The following CALN1 variants were observed in gnomAD, a reference collection of about 807,000 sequenced individuals.
CALN1 encodes the protein calcium-binding protein 8.
Under a neutral mutation model 30.6 loss-of-function variants are expected in CALN1, and 17 were observed. The observed-to-expected ratio is 0.56, with a 90% CI of 0.38 to 0.83. The LOEUF (loss-of-function observed/expected upper bound fraction) is 0.83, where lower values mean the gene tolerates loss of function less well. Among genes scored for constraint, CALN1 ranks in the 40% least tolerant of loss-of-function variants. The pLI, the probability that CALN1 is intolerant of heterozygous loss-of-function variation, is 0.00. For missense variants in CALN1, 291 were observed against 354.9 expected, an observed-to-expected ratio of 0.82 and a Z score of 1.45; for synonymous variants, 156 against 131.4, an observed-to-expected ratio of 1.19 and a Z score of -1.28.
chr7:72,338,901 TTG>T (rs1429334575), intron 2 of CALN1, among the ~76,000 whole-genome samples: 1 of 150,952 alleles, frequency 6.6e-6, no homozygotes, highest in African/African-American at 2.5e-5. Context: ...TCATTCTAAC[TTG>T]TTTTTTTTTT....
At chr7:71,887,933 G>C (rs1304739811) in intron 5 of CALN1, among the ~76,000 whole-genome samples, 1 of 152,042 alleles carries the variant, frequency 6.6e-6, no homozygotes, top group Non-Finnish European at 1.5e-5. Context: ...GGCTTGGAGG[G>C]CATGATTCGT....
intron 1 of CALN1, among the ~76,000 whole-genome samples, chr7:72,411,766 T>C (rs138162969): frequency 2.6e-5 from 4 of 152,272 alleles, no homozygotes; most frequent in Middle Eastern, 3.4e-3. Flanking sequence ...TTGACATGAA[T>C]GTAATTGCTA....
intron 5 of CALN1, among the ~76,000 whole-genome samples, chr7:71,919,404 C>T (rs1233001969): frequency 1.3e-5 from 2 of 152,190 alleles, no homozygotes; most frequent in Non-Finnish European, 2.9e-5. Context: ...TTCATTGATT[C>T]GTGCATTTCA....
the CALN1 span, among the ~76,000 whole-genome samples, chr7:72,462,178 G>GTATTTATT: frequency 6.7e-6 from 1 of 150,302 alleles, no homozygotes; most frequent in African/African-American, 2.5e-5. Flanking sequence ...ATGTATGTAT[G>GTATTTATT]TATTTATTTA....
intron 2 of CALN1, among the ~76,000 whole-genome samples, chr7:72,402,691 C>T (rs1806423303): frequency 6.6e-6 from 1 of 152,116 alleles, no homozygotes; most frequent in Non-Finnish European, 1.5e-5. Context: ...TAGAAAACTC[C>T]TCACCCCGAA....
chr7:72,397,716 A>ACT (rs1216740810), intron 2 of CALN1, among the ~76,000 whole-genome samples: 15 of 54,314 alleles, frequency 2.8e-4, no homozygotes, highest in East Asian at 1.2e-3. Flanking sequence ...ATTCTCTCTC[A>ACT]CACACACACA....
chr7:72,319,728 G>A (rs938013308), intron 2 of CALN1, among the ~76,000 whole-genome samples: 4 of 152,156 alleles, frequency 2.6e-5, no homozygotes, highest in African/African-American at 9.7e-5. Context: ...AAAGAACAGA[G>A]GTAAATCTGT....
chr7:72,393,657 A>T (rs994275804), intron 2 of CALN1, among the ~76,000 whole-genome samples: 1 of 151,884 alleles, frequency 6.6e-6, no homozygotes, highest in Non-Finnish European at 1.5e-5. Context: ...CCAAAAGAAT[A>T]GGTATACAGA....
chr7:71,817,620 GTTC>G (rs1424212959), intron 5 of CALN1, among the ~76,000 whole-genome samples: 3 of 152,062 alleles, frequency 2.0e-5, no homozygotes, highest in Admixed American at 2.0e-4. Flanking sequence ...GGTTCAAGTG[GTTC>G]TTCTGCCTCA....
chr7:71,893,060 C>G (rs1793335663), intron 5 of CALN1, among the ~76,000 whole-genome samples: 1 of 152,144 alleles, frequency 6.6e-6, no homozygotes. Flanking sequence ...CTTTCATTTT[C>G]TTTTCCTTGT....
At chr7:72,000,095 G>A (rs1264041339) in intron 5 of CALN1, among the ~76,000 whole-genome samples, 1 of 151,886 alleles carries the variant, frequency 6.6e-6, no homozygotes. Context: ...ATCAATAATC[G>A]AAGTTCCTAT....
At chr7:72,323,470 G>T (rs1175972617) in intron 2 of CALN1, among the ~76,000 whole-genome samples, 1 of 151,950 alleles carries the variant, frequency 6.6e-6, no homozygotes, top group African/African-American at 2.4e-5. Flanking sequence ...GACCAGCCTG[G>T]CCAACATAGT....
intron 2 of CALN1, among the ~76,000 whole-genome samples, chr7:72,286,115 C>G (rs1189605859): frequency 6.6e-6 from 1 of 152,104 alleles, no homozygotes. Flanking sequence ...AAGTCAGAGA[C>G]GGAATAACAG....
intron 2 of CALN1, among the ~76,000 whole-genome samples, chr7:72,400,043 C>A (rs1164572943): frequency 6.6e-6 from 1 of 152,140 alleles, no homozygotes; most frequent in East Asian, 1.9e-4. Context: ...TTAGGCCATC[C>A]CCTTCTTGTA....
chr7:71,876,300 A>G (rs1584424684), intron 5 of CALN1, among the ~76,000 whole-genome samples: 2 of 152,110 alleles, frequency 1.3e-5, no homozygotes, highest in Non-Finnish European at 2.9e-5. Flanking sequence ...TTGCTCTTGC[A>G]GGATTGGATT....
intron 3 of CALN1, among the ~76,000 whole-genome samples, chr7:72,242,210 C>T (rs935212327): frequency 2.0e-5 from 3 of 152,228 alleles, no homozygotes; most frequent in Admixed American, 1.3e-4. Flanking sequence ...GTCAGAATGT[C>T]CTTCCTTTTT....
At chr7:71,923,318 C>A (rs1030441169) in intron 5 of CALN1, among the ~76,000 whole-genome samples, 11 of 152,248 alleles carry the variant, frequency 7.2e-5, no homozygotes, top group African/African-American at 2.4e-4. Context: ...TTTGGTTCTG[C>A]CAGGCCCTAT....
intron 2 of CALN1, among the ~76,000 whole-genome samples, chr7:72,342,746 T>C (rs1382410120): frequency 2.0e-5 from 3 of 152,136 alleles, no homozygotes; most frequent in Non-Finnish European, 2.9e-5. Flanking sequence ...TTCCCTTATC[T>C]TTTTTATTTT....
At chr7:72,307,711 C>G (rs917579717) in intron 2 of CALN1, among the ~76,000 whole-genome samples, 1 of 152,170 alleles carries the variant, frequency 6.6e-6, no homozygotes, top group African/African-American at 2.4e-5. Flanking sequence ...TGGTCACAGA[C>G]TTCCCAATGC....
Sources: gnomAD v4.1 joint callset for allele counts (sites outside exome capture counted in the v4.1 genomes callset) on GRCh38, gnomAD v4.1.1 for gene constraint, MANE v1.5 for transcripts, NCBI Gene and HGNC (gene_info 2026-07-23, HGNC 2026-07-21) for gene names.